Variants in STXBP5L observed in about 807,000 individuals in gnomAD.
STXBP5L encodes syntaxin-binding protein 5-like.
A neutral mutation model predicts 144.5 loss-of-function variants in STXBP5L; 65 were observed. The observed-to-expected ratio is 0.45, with a 90% CI of 0.37 to 0.55. STXBP5L has a LOEUF of 0.55. Among genes scored for constraint, STXBP5L ranks in the 20% least tolerant of loss-of-function variants. STXBP5L has a pLI of 0.00. For synonymous variants in STXBP5L, 505 were observed against 469.6 expected, an observed-to-expected ratio of 1.08 and a Z score of -0.97; for missense variants, 1,298 against 1,405.5, an observed-to-expected ratio of 0.92 and a Z score of 1.22.
chr3:121,235,252 A>G (rs1037640991), intron 12 of STXBP5L, among the ~76,000 whole-genome samples: 3 of 152,028 alleles, frequency 2.0e-5, no homozygotes, highest in Non-Finnish European at 2.9e-5. Flanking sequence ...TTTCCTTCCA[A>G]ATGGTTACCT....
intron 20 of STXBP5L, among the ~76,000 whole-genome samples, chr3:121,336,954 C>A (rs1373909514): frequency 6.6e-6 from 1 of 152,164 alleles, no homozygotes; most frequent in Admixed American, 6.5e-5. Flanking sequence ...TTTGCAGGAA[C>A]ATGGATGGAG....
At chr3:121,071,177 T>A (rs2041796646) in intron 5 of STXBP5L, among the ~76,000 whole-genome samples, 1 of 152,200 alleles carries the variant, frequency 6.6e-6, no homozygotes, top group Non-Finnish European at 1.5e-5. Flanking sequence ...ATGATTAAGC[T>A]TATACTATGC....
At chr3:121,021,595 A>C (rs535228981) in intron 3 of STXBP5L, among the ~76,000 whole-genome samples, 48 of 152,324 alleles carry the variant, frequency 3.2e-4, no homozygotes, top group Non-Finnish European at 2.8e-4. Flanking sequence ...ATATAACTGG[A>C]AATCATCTTC....
At chr3:121,208,548 G>T (rs576560983) in intron 10 of STXBP5L, among the ~76,000 whole-genome samples, 7 of 151,940 alleles carry the variant, frequency 4.6e-5, no homozygotes, top group African/African-American at 1.7e-4. Flanking sequence ...GTATTAGAAA[G>T]TTTCAAATTT....
chr3:121,183,953 C>G (rs1258549124), intron 9 of STXBP5L, among the ~76,000 whole-genome samples: 1 of 152,034 alleles, frequency 6.6e-6, no homozygotes, highest in Non-Finnish European at 1.5e-5. Context: ...CAAACTCCAG[C>G]AGACCTGGAG....
In STXBP5L at chr3:121,421,227, A is replaced by C. The variant is rs2047346671; in HGVS notation, c.*2130A>C. On this transcript the variant is annotated 3_prime_UTR_variant, in exon 27 of 27. Coordinates refer to ENST00000471454, the MANE Select transcript of STXBP5L (RefSeq NM_001308330.2). ...TATTTTAAAAAAAACTAAAAGAGTA[A>C]AATATTAGTTTATTTTAGAAATAAT... The C allele has an allele frequency of 6.6e-6, 1 of 152,192 alleles. No homozygotes were observed. Among genetic ancestry groups the C allele is most frequent in the Non-Finnish European group, 1.5e-5 (1 of 68,020 alleles). The allele number at this position is 152,192 out of a possible 1,614,324, so 9.4% of individuals were successfully genotyped here. A position where few individuals can be genotyped will look rare whatever the true frequency, so the allele number is the denominator to read the frequency against.
At chr3:121,183,899 C>T (rs919655895) in intron 9 of STXBP5L, among the ~76,000 whole-genome samples, 5 of 152,054 alleles carry the variant, frequency 3.3e-5, no homozygotes, top group South Asian at 2.1e-4. Context: ...CTGCAGCCTC[C>T]GCTGGTGATA....
At chr3:121,090,386 G>A (rs2042719003) in intron 5 of STXBP5L, among the ~76,000 whole-genome samples, 1 of 152,054 alleles carries the variant, frequency 6.6e-6, no homozygotes, top group South Asian at 2.1e-4. Flanking sequence ...CCTCTTACAA[G>A]GAAGAATAAG....
chr3:121,091,235 G>A (rs1259942497), intron 5 of STXBP5L, among the ~76,000 whole-genome samples: 1 of 146,562 alleles, frequency 6.8e-6, no homozygotes, highest in Non-Finnish European at 1.5e-5. Flanking sequence ...GCCACAATAA[G>A]CATACATGTG....
At chr3:121,367,133 C>T (rs1322194765) in intron 20 of STXBP5L, among the ~76,000 whole-genome samples, 1 of 152,068 alleles carries the variant, frequency 6.6e-6, no homozygotes, top group Admixed American at 6.6e-5. Context: ...ATATATTTAT[C>T]TCTTAAATTA....
chr3:121,346,416 G>A (rs2044985928), intron 20 of STXBP5L, among the ~76,000 whole-genome samples: 1 of 152,046 alleles, frequency 6.6e-6, no homozygotes. Context: ...AAACATACAT[G>A]TGCATGTGTC....
chr3:120,963,808 CCT>C (rs1251967097), intron 3 of STXBP5L, among the ~76,000 whole-genome samples: 1 of 152,106 alleles, frequency 6.6e-6, no homozygotes, highest in Admixed American at 6.6e-5. Flanking sequence ...GGGAGGATTT[CCT>C]CTTTTTCTAT....
At chr3:120,978,123 A>T (rs1024049116) in intron 3 of STXBP5L, among the ~76,000 whole-genome samples, 2 of 152,180 alleles carry the variant, frequency 1.3e-5, no homozygotes, top group Non-Finnish European at 2.9e-5. Context: ...TCTCCTGGAT[A>T]ATATCCTGCA....
chr3:121,139,070 G>A (rs2045383684), intron 7 of STXBP5L, among the ~76,000 whole-genome samples: 1 of 151,934 alleles, frequency 6.6e-6, no homozygotes, highest in South Asian at 2.1e-4. Context: ...GTCGTTATTA[G>A]AAACTAGGAA....
intron 8 of STXBP5L, among the ~76,000 whole-genome samples, chr3:121,154,868 T>A (rs1480531450): frequency 2.6e-5 from 4 of 151,846 alleles, no homozygotes; most frequent in Non-Finnish European, 5.9e-5. Flanking sequence ...AAAGTAATAT[T>A]TGTCTCTTCC....
chr3:121,345,828 T>C (rs1163005268), intron 20 of STXBP5L, among the ~76,000 whole-genome samples: 3 of 152,060 alleles, frequency 2.0e-5, no homozygotes, highest in African/African-American at 7.2e-5. Context: ...TAGTAATTTT[T>C]AAATTCAGAC....
intron 22 of STXBP5L, among the ~76,000 whole-genome samples, chr3:121,396,064 C>A (rs1424014657): frequency 6.6e-6 from 1 of 152,242 alleles, no homozygotes; most frequent in South Asian, 2.1e-4. Context: ...TATTTCCCAA[C>A]TTTTTGTTAT....
intron 9 of STXBP5L, among the ~76,000 whole-genome samples, chr3:121,204,365 TGTGAATGA>T (rs1201997868): frequency 6.6e-6 from 1 of 152,182 alleles, no homozygotes; most frequent in East Asian, 1.9e-4. Flanking sequence ...TTTTGTACAG[TGTGAATGA>T]TTATGGTCAA....
In STXBP5L at chr3:121,305,616, C is replaced by T. The variant is rs186996435; in HGVS notation, c.2111-12859C>T. ...AAATTAGATATTTTAAAATAAAAAT[C>T]CTTAACAAAACAAGAATAGAAGAAT... On this transcript the variant is annotated intron_variant, in intron 19 of 26. Transcript: ENST00000471454. Among the ~76,000 whole-genome samples the T allele has an allele frequency of 3.9e-5, 6 of 152,130 alleles. No homozygotes were observed. In the East Asian group the frequency reaches 9.6e-4, roughly 24 times the overall value.
Sources: allele counts gnomAD v4.1 joint callset (sites outside exome capture counted in the v4.1 genomes callset), GRCh38; gene constraint gnomAD v4.1.1; transcripts MANE v1.5; gene names NCBI Gene and HGNC (gene_info 2026-07-23, HGNC 2026-07-21).